Variants in SSC5D observed in about 807,000 individuals in gnomAD.
SSC5D encodes soluble scavenger receptor cysteine-rich domain-containing protein SSC5D.
Under a neutral mutation model 104.6 loss-of-function variants are expected in SSC5D, and 106 were observed. The observed-to-expected ratio is 1.01, with a 90% CI of 0.87 to 1.19. SSC5D has a LOEUF of 1.19. SSC5D is among the 50% of genes most tolerant of loss of function. The probability of loss-of-function intolerance (pLI) is 0.00; values close to 1 mark genes in which losing one functional copy is unlikely to be tolerated. For missense variants in SSC5D, 1,993 were observed against 2,153.8 expected (o/e 0.93, Z 1.48); for synonymous variants, 860 against 883.5 (o/e 0.97, Z 0.47).
At chr19:55,494,469 G>A (rs1420755458) in intron 7 of SSC5D, 141 bp from the exon 8 acceptor site, 1 of 924,566 alleles carries the variant, frequency 1.1e-6, no homozygotes, top group Non-Finnish European at 1.6e-6. Flanking sequence ...AGCGTGGGCT[G>A]TGTCTAGGGA....
intron 12 of SSC5D, among the ~76,000 whole-genome samples, chr19:55,502,012 C>T (rs1403023760): frequency 6.6e-6 from 1 of 152,206 alleles, no homozygotes; most frequent in Non-Finnish European, 1.5e-5. Flanking sequence ...AAGCGATCCT[C>T]CTGCCTCAGC....
At chr19:55,499,769 T>C (rs996288925) in intron 9 of SSC5D, 47 bp from the exon 10 acceptor site, 21 of 1,458,720 alleles carry the variant, frequency 1.4e-5, no homozygotes, top group Admixed American at 8.5e-5. Context: ...GATGATCTTG[T>C]CATCATGGTG....
At chr19:55,496,374 A>C (rs943409099) in intron 8 of SSC5D, among the ~76,000 whole-genome samples, 1 of 152,236 alleles carries the variant, frequency 6.6e-6, no homozygotes, top group African/African-American at 2.4e-5. Context: ...GAAAATAAAA[A>C]GGCGTGGTTA....
rs1421947408 is a variant in SSC5D, at chr19:55,518,405, A to G, written c.4129A>G (p.Thr1377Ala). Residue 1377 changes from threonine to alanine, a missense_variant, in exon 14 of 14, where the codon ACA (threonine) becomes GCA (alanine). This residue lies in a region of SSC5D where 349 missense variants were observed against 397.6 expected (regional missense o/e 0.88). Transcript: ENST00000389623. ...CACAGCACCTGCCCCTCACACCTCC[A>G]CATCCCAGATACCCACCTTAGAGCC... Reference protein sequence around the residue: ...TFTAPAPHTSTSQIPTLEPSP... With the variant: ...TFTAPAPHTSASQIPTLEPSP... The G allele has an allele frequency of 6.5e-7, 1 of 1,550,122 alleles. No homozygotes were observed. Among genetic ancestry groups the G allele is most frequent in the African/African-American group, 1.4e-5 (1 of 72,486 alleles).
At chr19:55,499,391 CAGA>C (rs1207510268) in intron 9 of SSC5D, among the ~76,000 whole-genome samples, 1 of 152,232 alleles carries the variant, frequency 6.6e-6, no homozygotes, top group African/African-American at 2.4e-5. Flanking sequence ...GGGGGCACCA[CAGA>C]AGGATTCTGA....
chr19:55,502,677 A>G (rs1987536933), intron 12 of SSC5D, among the ~76,000 whole-genome samples: 2 of 152,008 alleles, frequency 1.3e-5, no homozygotes, highest in African/African-American at 4.8e-5. Flanking sequence ...CTTTTTTGAG[A>G]CAGGATCTTG....
At chr19:55,496,852 C>T (rs917541747) in intron 8 of SSC5D, among the ~76,000 whole-genome samples, 1 of 151,616 alleles carries the variant, frequency 6.6e-6, no homozygotes, top group Admixed American at 6.6e-5. Context: ...CCGGTTCAAG[C>T]GATTCTCCTG....
At chr19:55,489,107 T>G in intron 2 of SSC5D, 75 bp downstream of exon 2, 1 of 813,988 alleles carries the variant, frequency 1.2e-6, no homozygotes, top group Non-Finnish European at 1.6e-6. Context: ...AGGCCTGGCC[T>G]CACCCCCACT....
rs771987832 is a variant in SSC5D at position 55,490,874 on chromosome 19, G to A, written c.689G>A (p.Arg230His). 1.8e-5 allele frequency: 28 copies of A among 1,546,690 alleles called. No homozygotes were observed. Among genetic ancestry groups the A allele is most frequent in the East Asian group, 7.3e-5 (3 of 40,868 alleles). The change falls in exon 6 of 14, where the codon CGC (arginine) becomes CAC (histidine). Residue 230 changes from arginine (R) to histidine (H), a missense_variant. By Grantham distance (29) the Arg-to-His change is conservative. Coordinates refer to ENST00000389623, the MANE Select transcript of SSC5D (RefSeq NM_001144950.2). ...GTATGTGACGATGGCTGGGACCTGC[G>A]CGACGCTGCTGTAGCCTGCCGGGAA... ...GTVCDDGWDL[R>H]DAAVACRELG...
rs1378439295 is a variant in SSC5D, at chr19:55,499,977, A to G, written c.1867A>G (p.Lys623Glu). The G allele has an allele frequency of 6.4e-7, 1 of 1,551,934 alleles. No individual in the cohort carries two copies. The highest frequency in any genetic ancestry group is 1.2e-5 in the South Asian group (1 of 84,054). Residue 623 changes from lysine (K) to glutamate (E), a missense_variant, in exon 10 of 14, where the codon AAA becomes GAA. This residue lies in a region of SSC5D where 1,101 missense variants were observed against 1,085.0 expected (regional missense o/e 1.01). Transcript: ENST00000389623. ...GAAAACAACCACGAAGGCCCCAGGGAAAATGCCTAAGAGTACTAAGAAGTG... is the reference window on the plus strand; with the variant it reads ...GAAAACAACCACGAAGGCCCCAGGGGAAATGCCTAAGAGTACTAAGAAGTG... ...LEKTTTKAPG[K>E]MPKSTKKWVT...
chr19:55,498,759 CTG>C (rs1351383700), intron 9 of SSC5D, among the ~76,000 whole-genome samples: 1 of 152,044 alleles, frequency 6.6e-6, no homozygotes, highest in Non-Finnish European at 1.5e-5. Flanking sequence ...CATTGCAAAC[CTG>C]TGTGACTCGT....
At chr19:55,498,629 T>C (rs1321601187) in intron 9 of SSC5D, among the ~76,000 whole-genome samples, 2 of 152,224 alleles carry the variant, frequency 1.3e-5, no homozygotes, top group Non-Finnish European at 2.9e-5. Flanking sequence ...GCAATGCCTG[T>C]TATTAAATTG....
At chr19:55,501,330 T>C in intron 12 of SSC5D, 129 bp downstream of exon 12, 1 of 1,136,436 alleles carries the variant, frequency 8.8e-7, no homozygotes, top group South Asian at 1.7e-5. Context: ...AAGGTTTTCC[T>C]TGGCTCCTGA....
At chr19:55,489,736 C>A (rs1987078894) in intron 3 of SSC5D, 74 bp downstream of exon 3, 1 of 1,510,254 alleles carries the variant, frequency 6.6e-7, no homozygotes, top group Non-Finnish European at 8.9e-7. Flanking sequence ...TCCTTAGCCC[C>A]AGCAAGTCTG....
intron 9 of SSC5D, among the ~76,000 whole-genome samples, chr19:55,499,023 T>C (rs1987400685): frequency 1.3e-5 from 2 of 152,202 alleles, no homozygotes; most frequent in African/African-American, 4.8e-5. Flanking sequence ...ACAACACACA[T>C]GAGGAACTGC....
intron 13 of SSC5D, among the ~76,000 whole-genome samples, chr19:55,514,929 G>A (rs1044539645): frequency 6.6e-6 from 1 of 152,176 alleles, no homozygotes; most frequent in Non-Finnish European, 1.5e-5. Flanking sequence ...CACCCCGCTA[G>A]GAAGCCATGC....
chr19:55,493,450 T>C lies in SSC5D; in HGVS notation c.896-145T>C, dbSNP rs1987209211. On this transcript the variant is annotated intron_variant, in intron 6 of 13. Coordinates refer to ENST00000389623, the MANE Select transcript of SSC5D (RefSeq NM_001144950.2). The stretch of plus-strand genomic sequence containing the variant: ...GACTCCGGGCCAGTGACTTCCTGTC[T>C]TGGAACCTTTTCCTCATTTGGATAG... The C allele has an allele frequency of 5.2e-6, 4 of 768,414 alleles. No individual in the cohort carries two copies. In the South Asian group the frequency reaches 6.9e-5, roughly 13 times the overall value. The allele number at this position is 768,414 out of a possible 1,614,324, so 47.6% of individuals were successfully genotyped here.
Position 55,493,906 on chromosome 19 carries a change from T to A in SSC5D, c.1207T>A (p.Cys403Ser). ...CHHREDAGAV[C>S]DGMPLGYVPP... The stretch of plus-strand genomic sequence containing the variant: ...CCACCGCGAGGACGCCGGGGCCGTG[T>A]GTGACGGTGAGGGGGTTGTGGTGGA... The change falls in exon 7 of 14, where the codon TGT becomes AGT. Residue 403 changes from cysteine to serine, a missense_variant. Physicochemically the swap from Cys to Ser is moderately radical, Grantham distance 112. Around this residue, in one of 6 missense-constraint regions of SSC5D, gnomAD observed 1,101 missense variants for 1,085.0 expected, o/e 1.01. Transcript: ENST00000389623. 1 of 1,358,232 alleles carries A rather than the reference T, an allele frequency of 7.4e-7. No individual in the cohort carries two copies. Among genetic ancestry groups the A allele is most frequent in the Admixed American group, 2.3e-5 (1 of 43,870 alleles). The allele number at this position is 1,358,232 out of a possible 1,614,324, so 84.1% of individuals were successfully genotyped here. A position where few individuals can be genotyped will look rare whatever the true frequency, so the allele number is the denominator to read the frequency against.
rs769617271 is a variant in SSC5D at position 55,493,887 on chromosome 19, C to T, written c.1188C>T (p.Arg396=). 77 of 1,542,338 alleles carry T rather than the reference C, an allele frequency of 5.0e-5. No homozygotes were observed. The highest frequency in any genetic ancestry group is 6.1e-5 in the Non-Finnish European group (70 of 1,143,812). The change falls in exon 7 of 14, where the codon CGC becomes CGT. Residue 396 remains arginine, a synonymous_variant. Coordinates refer to ENST00000389623, the MANE Select transcript of SSC5D (RefSeq NM_001144950.2). ...GGGGCCAGCATGACTGTCACCACCG[C>T]GAGGACGCCGGGGCCGTGTGTGACG... is the stretch of plus-strand genomic sequence containing the variant. ...RPWGQHDCHH[R]EDAGAVCDGM...
Sources: allele counts gnomAD v4.1 joint callset (sites outside exome capture counted in the v4.1 genomes callset), GRCh38; gene constraint gnomAD v4.1.1; regional missense constraint gnomAD v4.1.1; transcripts MANE v1.5; gene names NCBI Gene and HGNC (gene_info 2026-07-23, HGNC 2026-07-21).